FAM184A: variants seen among roughly 807,000 people sequenced by gnomAD.
FAM184A encodes the protein protein FAM184A.
Under a neutral mutation model 143.8 loss-of-function variants are expected in FAM184A, and 99 were observed. The ratio of observed to expected loss-of-function variants is 0.69; its 90% CI spans 0.58 to 0.81. FAM184A has a LOEUF of 0.81. Among genes scored for constraint, FAM184A ranks in the 40% least tolerant of loss-of-function variants. The pLI, the probability that FAM184A is intolerant of heterozygous loss-of-function variation, is 0.00. For synonymous variants in FAM184A, 427 were observed against 446.4 expected, an observed-to-expected ratio of 0.96 and a Z score of 0.55; for missense variants, 1,217 against 1,310.5, an observed-to-expected ratio of 0.93 and a Z score of 1.10.
At chr6:119,039,670 T>C (rs1249345647) in intron 1 of FAM184A, among the ~76,000 whole-genome samples, 1 of 152,156 alleles carries the variant, frequency 6.6e-6, no homozygotes. Flanking sequence ...TAGGCAAGAC[T>C]GGGGCTGGAC....
chr6:119,116,137 G>A (rs557721784), intron 1 of FAM184A, among the ~76,000 whole-genome samples: 1 of 152,110 alleles, frequency 6.6e-6, no homozygotes, highest in Non-Finnish European at 1.5e-5. Flanking sequence ...AGCTCCAAAG[G>A]AGAGAGAGCA....
At chr6:119,021,230 T>C (rs1785435500) in intron 3 of FAM184A, among the ~76,000 whole-genome samples, 1 of 151,914 alleles carries the variant, frequency 6.6e-6, no homozygotes, top group East Asian at 1.9e-4. Flanking sequence ...AAGGAAAATC[T>C]GAGATTCACT....
intron 1 of FAM184A, among the ~76,000 whole-genome samples, chr6:119,036,150 G>C (rs780259243): frequency 4.3e-4 from 65 of 151,860 alleles, no homozygotes; most frequent in Admixed American, 2.1e-3. Context: ...GGGAACAAAT[G>C]CTACCTACAC....
At chr6:119,015,841 T>C (rs1785230051) in intron 5 of FAM184A, among the ~76,000 whole-genome samples, 1 of 152,098 alleles carries the variant, frequency 6.6e-6, no homozygotes, top group Non-Finnish European at 1.5e-5. Context: ...GGATTGTAAA[T>C]ACACCAATCA....
intron 1 of FAM184A, among the ~76,000 whole-genome samples, chr6:119,113,993 C>G (rs561513168): frequency 6.6e-6 from 1 of 152,166 alleles, no homozygotes; most frequent in East Asian, 1.9e-4. Flanking sequence ...TATAATTTTT[C>G]TATTTTATTG....
At chr6:119,103,144 G>A (rs2114837602) in intron 1 of FAM184A, among the ~76,000 whole-genome samples, 1 of 152,316 alleles carries the variant, frequency 6.6e-6, no homozygotes, top group Middle Eastern at 3.4e-3. Context: ...GGATAGAGAA[G>A]GGCCTGCTTT....
chr6:119,006,384 C>G, intron 7 of FAM184A, 63 bp downstream of exon 7: 1 of 1,528,482 alleles, frequency 6.5e-7, no homozygotes, highest in Non-Finnish European at 8.9e-7. Context: ...AGCTCTAGGT[C>G]AAATGGCTAA....
chr6:119,139,654 A>AAG (rs1772144749), intron 1 of FAM184A, among the ~76,000 whole-genome samples: 1 of 152,004 alleles, frequency 6.6e-6, no homozygotes, highest in Admixed American at 6.6e-5. Context: ...AAGTAAAAAA[A>AAG]AAAAAAAACC....
At chr6:118,983,329 T>C (rs889281256) in intron 9 of FAM184A, among the ~76,000 whole-genome samples, 1 of 152,162 alleles carries the variant, frequency 6.6e-6, no homozygotes, top group African/African-American at 2.4e-5. Flanking sequence ...AACAGCTGAG[T>C]TTAATATAAT....
At chr6:119,020,509 C>A (rs944190968) in intron 3 of FAM184A, among the ~76,000 whole-genome samples, 1 of 151,984 alleles carries the variant, frequency 6.6e-6, no homozygotes, top group African/African-American at 2.4e-5. Flanking sequence ...ATAAGAAAGT[C>A]TCCTGGGAAT....
rs1424651370 is a variant in FAM184A at position 119,003,583 on chromosome 6, T to C, written c.1855A>G (p.Ile619Val). 3.1e-6 allele frequency: 5 copies of C among 1,612,458 alleles called. No homozygotes were observed. The highest frequency in any genetic ancestry group is 2.7e-5 in the African/African-American group (2 of 74,872). The change falls in exon 8 of 18, where the codon ATT becomes GTT. Residue 619 changes from isoleucine to valine, a missense_variant. Coordinates refer to ENST00000338891, the MANE Select transcript of FAM184A (RefSeq NM_024581.6). The part of the protein sequence containing the change: ...EQERQQHEET[I>V]AAMKEEEKLK... ...TTCTCTTCTTCTTTCATGGCAGCAA[T>C]TGTTTCTTCATGCTGTTGCCTTTCT... is the stretch of plus-strand genomic sequence containing the variant.
intron 1 of FAM184A, chr6:119,031,559 C>T (rs1346696397): frequency 6.6e-6 from 1 of 152,228 alleles, no homozygotes; most frequent in African/African-American, 2.4e-5. Flanking sequence ...CAGGTTATTA[C>T]ATTATGGCAG....
intron 16 of FAM184A, chr6:118,962,199 A>G: frequency 1.9e-6 from 1 of 530,332 alleles, no homozygotes; most frequent in Non-Finnish European, 3.4e-6. Context: ...TGAGGAAGAA[A>G]CATTTAGGAG....
chr6:119,001,029 A>T (rs1784739404), intron 9 of FAM184A, among the ~76,000 whole-genome samples: 1 of 150,750 alleles, frequency 6.6e-6, no homozygotes, highest in Admixed American at 6.6e-5. Flanking sequence ...CATCCAAAGG[A>T]GTCGAGACAA....
intron 1 of FAM184A, chr6:119,025,673 T>C: frequency 2.0e-6 from 1 of 509,600 alleles, no homozygotes; most frequent in South Asian, 1.4e-5. Flanking sequence ...ATCATGCCAC[T>C]GTGGTCACAC....
At chr6:119,026,864 G>A (rs965962450) in intron 1 of FAM184A, among the ~76,000 whole-genome samples, 12 of 151,976 alleles carry the variant, frequency 7.9e-5, no homozygotes, top group Admixed American at 4.6e-4. Flanking sequence ...CCCCTGTAAA[G>A]CTGCCTCCTG....
In FAM184A at chr6:119,015,480, C is replaced by T. The variant is rs188107568; in HGVS notation, c.1530+1267G>A. ...GGCTTAGCACCCGGGCCAGCGGCTG[C>T]GGAGGGTGTACTGGGTCCCCCAGCA... On this transcript the variant is annotated intron_variant, in intron 5 of 17. Coordinates refer to ENST00000338891, the MANE Select transcript of FAM184A (RefSeq NM_024581.6). 3.4e-3 allele frequency among the ~76,000 whole-genome samples: 514 copies of T among 152,312 alleles called. 2 individuals are homozygous for T. Among genetic ancestry groups the T allele is most frequent in the African/African-American group, 0.012 (497 of 41,578 alleles).
At chr6:119,104,810 C>A (rs1450121059) in intron 1 of FAM184A, among the ~76,000 whole-genome samples, 3 of 152,120 alleles carry the variant, frequency 2.0e-5, no homozygotes, top group Non-Finnish European at 4.4e-5. Flanking sequence ...AAAGCTACTA[C>A]CCAATACTAC....
chr6:119,136,284 C>CAAAAAA (rs11454485), intron 1 of FAM184A, among the ~76,000 whole-genome samples: 10 of 65,878 alleles, frequency 1.5e-4, no homozygotes, highest in Admixed American at 2.0e-4. Context: ...GACTCCGTCT[C>CAAAAAA]AAAAAAAAAA....
Sources: gnomAD v4.1 joint callset for allele counts (sites outside exome capture counted in the v4.1 genomes callset) on GRCh38, gnomAD v4.1.1 for gene constraint, MANE v1.5 for transcripts, NCBI Gene and HGNC (gene_info 2026-07-23, HGNC 2026-07-21) for gene names.